The following ANO10 variants were observed in gnomAD, a reference collection of about 807,000 sequenced individuals.
The protein encoded by ANO10 is anoctamin 10, also known as anoctamin-10.
In ANO10, 77 loss-of-function variants were observed where a neutral mutation model predicts 74.7. That is an observed-to-expected ratio of 1.03 (90% CI 0.86 to 1.25). The LOEUF (loss-of-function observed/expected upper bound fraction) is 1.25, where lower values mean the gene tolerates loss of function less well. ANO10 is among the 50% of genes most tolerant of loss of function. The pLI is 0.00. For synonymous variants in ANO10, 279 were observed against 284.9 expected (o/e 0.98, Z 0.21); for missense variants, 721 against 778.1 (o/e 0.93, Z 0.87).
intron 1 of ANO10, among the ~76,000 whole-genome samples, chr3:43,674,671 C>T (rs2084099694): frequency 6.6e-6 from 1 of 152,112 alleles, no homozygotes; most frequent in Non-Finnish European, 1.5e-5. Context: ...CAATCAACAC[C>T]TGTGGGAAGG....
chr3:43,426,990 T>C (rs2092908802), intron 12 of ANO10, among the ~76,000 whole-genome samples: 1 of 152,134 alleles, frequency 6.6e-6, no homozygotes, highest in Non-Finnish European at 1.5e-5. Context: ...ACTCCTCCTG[T>C]CACAAGCTGA....
intron 1 of ANO10, among the ~76,000 whole-genome samples, chr3:43,680,312 G>C (rs1220228542): frequency 6.6e-6 from 1 of 152,188 alleles, no homozygotes; most frequent in African/African-American, 2.4e-5. Flanking sequence ...TAGCCAATTT[G>C]ATCAACTGGA....
intron 1 of ANO10, among the ~76,000 whole-genome samples, chr3:43,666,380 A>C (rs2083992481): frequency 6.6e-6 from 1 of 152,166 alleles, no homozygotes; most frequent in East Asian, 1.9e-4. Context: ...AAACCTCGTA[A>C]TTAGTTTTCT....
At chr3:43,473,213 C>T (rs2075933307) in intron 11 of ANO10, among the ~76,000 whole-genome samples, 1 of 152,048 alleles carries the variant, frequency 6.6e-6, no homozygotes, top group Admixed American at 6.5e-5. Flanking sequence ...TCATGCACAG[C>T]ATTTGATTAT....
In ANO10 at chr3:43,432,737, AG is replaced by A; in HGVS notation, c.1798-11del. 1 of 1,563,958 alleles carries A rather than the reference AG, an allele frequency of 6.4e-7. No homozygotes were observed. The highest frequency in any genetic ancestry group is 8.8e-7 in the Non-Finnish European group (1 of 1,134,614). Reference sequence around the variant, plus strand: ...AAGCCAGGAGTGCGTGCTGAAAACAAGAAAGAGTACATGTTGATGTGATACA... The same window carrying A: ...AAGCCAGGAGTGCGTGCTGAAAACAAAAAGAGTACATGTTGATGTGATACA... On this transcript the variant is annotated splice_polypyrimidine_tract_variant and intron_variant, in intron 11 of 12. Transcript: ENST00000292246.
intron 10 of ANO10, chr3:43,551,452 C>T: frequency 4.4e-6 from 2 of 455,908 alleles, no homozygotes; most frequent in South Asian, 3.1e-5. Context: ...ACTTCATTAC[C>T]TTTTGATAGG....
At chr3:43,558,454 C>T (rs1280525872) in intron 9 of ANO10, among the ~76,000 whole-genome samples, 1 of 152,124 alleles carries the variant, frequency 6.6e-6, no homozygotes, top group Admixed American at 6.6e-5. Flanking sequence ...GCTGGTGGAA[C>T]AGCAATCAGG....
chr3:43,456,464 CAA>C (rs1322157512), intron 11 of ANO10, among the ~76,000 whole-genome samples: 1 of 152,134 alleles, frequency 6.6e-6, no homozygotes, highest in Non-Finnish European at 1.5e-5. Context: ...GCTTTAGAAG[CAA>C]AGAGTTGTCC....
At chr3:43,408,254 G>A (rs2092610067) in intron 12 of ANO10, among the ~76,000 whole-genome samples, 1 of 151,638 alleles carries the variant, frequency 6.6e-6, no homozygotes, top group Non-Finnish European at 1.5e-5. Context: ...AGCAGTTCTT[G>A]GTCATAGAGA....
chr3:43,550,352 T>C (rs548857105), intron 10 of ANO10, among the ~76,000 whole-genome samples: 1 of 152,306 alleles, frequency 6.6e-6, no homozygotes, highest in Non-Finnish European at 1.5e-5. Context: ...GCAAATCAAA[T>C]GTAGAACTTT....
chr3:43,612,801 CT>C (rs892871018), intron 1 of ANO10, among the ~76,000 whole-genome samples: 13 of 151,876 alleles, frequency 8.6e-5, no homozygotes, highest in East Asian at 1.9e-4. Context: ...AACCATTCAA[CT>C]TTTTTTTTCC....
At chr3:43,600,192 T>C (rs1351614034) in intron 3 of ANO10, among the ~76,000 whole-genome samples, 192 bp downstream of exon 3, 1 of 152,266 alleles carries the variant, frequency 6.6e-6, no homozygotes, top group Non-Finnish European at 1.5e-5. Context: ...CATTTACTTA[T>C]GGTCTATGGC....
intron 11 of ANO10, among the ~76,000 whole-genome samples, chr3:43,538,869 A>G (rs1386246411): frequency 6.6e-6 from 1 of 152,232 alleles, no homozygotes; most frequent in African/African-American, 2.4e-5. Context: ...CAATCTCACA[A>G]TAAGAAGATA....
At chr3:43,490,713 T>C (rs1006713475) in intron 11 of ANO10, among the ~76,000 whole-genome samples, 10 of 152,344 alleles carry the variant, frequency 6.6e-5, no homozygotes, top group Non-Finnish European at 1.3e-4. Flanking sequence ...CTAAATCAAG[T>C]ACCGGCAAAT....
intron 11 of ANO10, among the ~76,000 whole-genome samples, chr3:43,498,324 G>A (rs1247262469): frequency 6.6e-6 from 1 of 152,134 alleles, no homozygotes; most frequent in African/African-American, 2.4e-5. Flanking sequence ...CCAGAAGATG[G>A]GTGGTACTCA....
At chr3:43,511,820 G>C (rs530617425) in intron 11 of ANO10, among the ~76,000 whole-genome samples, 4 of 152,298 alleles carry the variant, frequency 2.6e-5, no homozygotes, top group African/African-American at 9.6e-5. Context: ...TCATGCCTGT[G>C]GGGTAAGAGT....
chr3:43,576,778 A>T lies in ANO10; in HGVS notation c.1076T>A (p.Leu359Ter). The T allele has an allele frequency of 6.2e-7, 1 of 1,614,136 alleles. No homozygotes were observed. The highest frequency in any genetic ancestry group is 8.5e-7 in the Non-Finnish European group (1 of 1,180,016). ...NSGSEWTSVL[L>*]YVPSIIYAIV... ...GGCATAGATGATGCTGGGCACATAC[A>T]ACAGGACACTGGTCCACTCAGACCC... Residue 359 changes from leucine to a stop codon, truncating the protein, a stop_gained, in exon 6 of 13, where the codon TTG (leucine) becomes TAG (stop). Coordinates refer to ENST00000292246, the MANE Select transcript of ANO10 (RefSeq NM_018075.5). LOFTEE classifies it high-confidence loss of function.
intron 11 of ANO10, among the ~76,000 whole-genome samples, chr3:43,521,567 G>A (rs1460254026): frequency 6.6e-6 from 1 of 152,080 alleles, no homozygotes; most frequent in African/African-American, 2.4e-5. Context: ...TAATCACTGG[G>A]GAAATGCAAA....
intron 1 of ANO10, among the ~76,000 whole-genome samples, chr3:43,684,727 T>A (rs1407440292): frequency 1.3e-5 from 2 of 152,176 alleles, no homozygotes; most frequent in Non-Finnish European, 2.9e-5. Context: ...GTGGCACATA[T>A]ACACCATGGA....
Sources: allele counts gnomAD v4.1 joint callset (sites outside exome capture counted in the v4.1 genomes callset), GRCh38; gene constraint gnomAD v4.1.1; transcripts MANE v1.5; gene names NCBI Gene and HGNC (gene_info 2026-07-23, HGNC 2026-07-21).